The following DNM3 variants were observed in gnomAD, a reference collection of about 807,000 sequenced individuals.
The protein encoded by DNM3 is dynamin 3.
A neutral mutation model predicts 101.6 loss-of-function variants in DNM3; 47 were observed. The ratio of observed to expected loss-of-function variants is 0.46; its 90% CI spans 0.37 to 0.59. DNM3 has a LOEUF of 0.59. DNM3 is among the 20% of genes least tolerant of loss of function. The pLI is 0.00. For missense variants in DNM3, 849 were observed against 1,085.7 expected (o/e 0.78, Z 3.06); for synonymous variants, 385 against 387.9 (o/e 0.99, Z 0.09).
In DNM3 at chr1:172,407,881, T is replaced by C; in HGVS notation, c.*40T>C. ...ATGGCAATTAATCACTAATGAATTA[T>C]GCGAAAGCAACATATTTGATAACCG... On this transcript the variant is annotated 3_prime_UTR_variant, in exon 21 of 21. Transcript: ENST00000627582. 3 of 1,612,496 alleles carry C rather than the reference T, an allele frequency of 1.9e-6. No individual in the cohort carries two copies. The highest frequency in any genetic ancestry group is 2.5e-6 in the Non-Finnish European group (3 of 1,178,822).
intron 1 of DNM3, among the ~76,000 whole-genome samples, chr1:171,921,449 A>G (rs2040163396): frequency 6.6e-6 from 1 of 152,202 alleles, no homozygotes; most frequent in Non-Finnish European, 1.5e-5. Context: ...ATCAAAATTC[A>G]TTGATAATAC....
chr1:171,892,127 G>A (rs1045653533), intron 1 of DNM3, among the ~76,000 whole-genome samples: 1 of 152,060 alleles, frequency 6.6e-6, no homozygotes, highest in Non-Finnish European at 1.5e-5. Flanking sequence ...AGCTCTTTCA[G>A]TTGGTTCTAT....
intron 15 of DNM3, among the ~76,000 whole-genome samples, chr1:172,262,371 C>T (rs1341433159): frequency 6.6e-6 from 1 of 152,134 alleles, no homozygotes; most frequent in Non-Finnish European, 1.5e-5. Flanking sequence ...GGGGTGGGGG[C>T]TGTGCTCTCA....
chr1:172,122,187 A>G (rs2056364040), intron 13 of DNM3, among the ~76,000 whole-genome samples: 1 of 152,216 alleles, frequency 6.6e-6, no homozygotes, highest in East Asian at 1.9e-4. Flanking sequence ...GAGGAAATAA[A>G]TAGAACTTTG....
At chr1:172,069,394 A>G (rs1249473324) in intron 11 of DNM3, among the ~76,000 whole-genome samples, 1 of 152,132 alleles carries the variant, frequency 6.6e-6, no homozygotes, top group Admixed American at 6.5e-5. Context: ...TTATCCATAC[A>G]ACCTATGATT....
At chr1:172,094,419 T>C (rs1176325852) in intron 13 of DNM3, among the ~76,000 whole-genome samples, 3 of 152,102 alleles carry the variant, frequency 2.0e-5, no homozygotes, top group Non-Finnish European at 4.4e-5. Flanking sequence ...AGTTTGAGAA[T>C]GAGATTGGAG....
intron 17 of DNM3, among the ~76,000 whole-genome samples, chr1:172,366,198 C>T (rs540914664): frequency 6.6e-6 from 1 of 151,942 alleles, no homozygotes; most frequent in Admixed American, 6.6e-5. Flanking sequence ...ATGACTGCAG[C>T]CTGGGCAACA....
chr1:171,995,895 G>T (rs1271815653), intron 4 of DNM3, among the ~76,000 whole-genome samples: 1 of 152,138 alleles, frequency 6.6e-6, no homozygotes, highest in Admixed American at 6.5e-5. Context: ...ATTTTAGGCA[G>T]TAGCTACTTT....
intron 7 of DNM3, among the ~76,000 whole-genome samples, chr1:172,040,067 A>C (rs768671526): frequency 6.6e-6 from 1 of 152,148 alleles, no homozygotes; most frequent in African/African-American, 2.4e-5. Flanking sequence ...GGACCTTGTC[A>C]TGTGGAAGGA....
chr1:171,867,926 T>C (rs2034916275), intron 1 of DNM3, among the ~76,000 whole-genome samples: 1 of 147,106 alleles, frequency 6.8e-6, no homozygotes, highest in South Asian at 2.1e-4. Context: ...TTAATTAAAC[T>C]AAGATACTTT....
chr1:172,262,452 G>A (rs1274694707), intron 15 of DNM3, among the ~76,000 whole-genome samples: 1 of 152,144 alleles, frequency 6.6e-6, no homozygotes, highest in East Asian at 1.9e-4. Context: ...GAACTTGTAA[G>A]GATTGAGGTG....
chr1:172,146,746 C>T (rs1404410064), intron 14 of DNM3, among the ~76,000 whole-genome samples: 1 of 152,062 alleles, frequency 6.6e-6, no homozygotes, highest in African/African-American at 2.4e-5. Context: ...CAGGTGTAGA[C>T]CTGCTTCTGC....
chr1:172,035,085 A>G (rs1004154160), intron 6 of DNM3, among the ~76,000 whole-genome samples: 3 of 152,102 alleles, frequency 2.0e-5, no homozygotes, highest in Admixed American at 6.6e-5. Context: ...GAGTAAAAAA[A>G]GGGGCGGGTT....
At chr1:171,899,070 G>A (rs1170835295) in intron 1 of DNM3, among the ~76,000 whole-genome samples, 1 of 152,204 alleles carries the variant, frequency 6.6e-6, no homozygotes, top group Non-Finnish European at 1.5e-5. Context: ...GCCTAGCTGG[G>A]CTGAGGCAGG....
chr1:172,323,363 G>A (rs1432207517), intron 17 of DNM3, 23 bp downstream of exon 17: 2 of 1,605,042 alleles, frequency 1.2e-6, no homozygotes, highest in Admixed American at 3.4e-5. Flanking sequence ...TCCTCTTGCA[G>A]CTCTTCTGTC....
chr1:172,409,021 T>TA lies in DNM3; in HGVS notation c.*1183dup, dbSNP rs913869136. On this transcript the variant is annotated 3_prime_UTR_variant, in exon 21 of 21. Transcript: ENST00000627582. ...AAAAGGGTATTGAAACGTTGAAATC[T>TA]AAAGCAAATTTGCAATTTCTTAAGA... is the stretch of plus-strand genomic sequence containing the variant. 5.1e-6 allele frequency: 5 copies of TA among 985,256 alleles called. No homozygotes were observed. The highest frequency in any genetic ancestry group is 6.0e-6 in the Non-Finnish European group (5 of 829,868). 61.0% of individuals were successfully genotyped at this position (985,256 alleles called of 1,614,324 possible). A position where few individuals can be genotyped will look rare whatever the true frequency, so the allele number is the denominator to read the frequency against.
chr1:172,387,030 C>A (rs895577989), intron 18 of DNM3, 103 bp from the exon 19 acceptor site: 3 of 991,448 alleles, frequency 3.0e-6, no homozygotes, highest in Non-Finnish European at 1.5e-6. Context: ...CTTTGGTGGA[C>A]TTTGGTGGAC....
chr1:171,921,038 C>T lies in DNM3; in HGVS notation c.162-710C>T, dbSNP rs550242334. On this transcript the variant is annotated intron_variant, in intron 1 of 20. Coordinates refer to ENST00000627582, the MANE Select transcript of DNM3 (RefSeq NM_015569.5). ...TCCCAGGCTCAAGCGATCCTCCCAC[C>T]TCAGCCTTCTGGGTAGCTGGGACTA... 3.4e-4 allele frequency among the ~76,000 whole-genome samples: 52 copies of T among 152,314 alleles called. No individual in the cohort carries two copies. The South Asian group carries it at 0.01, about 30-fold the overall frequency.
intron 8 of DNM3, 149 bp from the exon 9 acceptor site, chr1:172,044,236 C>A: frequency 1.5e-6 from 1 of 662,672 alleles, no homozygotes; most frequent in Non-Finnish European, 2.5e-6. Flanking sequence ...TTTATATAAA[C>A]AGATGTTTTG....
Sources: gnomAD v4.1 joint callset for allele counts (sites outside exome capture counted in the v4.1 genomes callset) on GRCh38, gnomAD v4.1.1 for gene constraint, MANE v1.5 for transcripts, NCBI Gene and HGNC (gene_info 2026-07-23, HGNC 2026-07-21) for gene names.